FRK: variants seen among roughly 807,000 people sequenced by gnomAD.
FRK encodes tyrosine-protein kinase FRK.
FRK carries 51 observed loss-of-function variants against 56.4 expected under a neutral mutation model. The ratio of observed to expected loss-of-function variants is 0.90; its 90% CI spans 0.72 to 1.14. The LOEUF (loss-of-function observed/expected upper bound fraction) is 1.14, where lower values mean the gene tolerates loss of function less well. FRK is among the 50% of genes most tolerant of loss of function. The pLI is 0.00. For synonymous variants in FRK, 245 were observed against 217.9 expected (o/e 1.12, Z -1.10); for missense variants, 570 against 601.4 (o/e 0.95, Z 0.55).
chr6:115,993,148 T>G (rs938890217), intron 2 of FRK, among the ~76,000 whole-genome samples: 4 of 151,778 alleles, frequency 2.6e-5, no homozygotes, highest in Admixed American at 6.6e-5. Flanking sequence ...TATACACGGA[T>G]GTATGTAGAT....
chr6:115,932,509 CT>C lies in FRK; in HGVS notation c.*9904del, dbSNP rs1219091642. The C allele has an allele frequency of 6.6e-6, 1 of 152,158 alleles. No individual in the cohort carries two copies. Among genetic ancestry groups the C allele is most frequent in the Non-Finnish European group, 1.5e-5 (1 of 68,024 alleles). 9.4% of individuals were successfully genotyped at this position (152,158 alleles called of 1,614,324 possible). ...GGTGTACAAACCTCATTTACTTTTA[CT>C]TTAAGAATGGCCTTTCTCTTGAATT... On this transcript the variant is annotated 3_prime_UTR_variant, in exon 8 of 8. Coordinates refer to ENST00000606080, the MANE Select transcript of FRK (RefSeq NM_002031.3).
chr6:115,948,967 T>G (rs1175518070), intron 5 of FRK, among the ~76,000 whole-genome samples: 1 of 152,168 alleles, frequency 6.6e-6, no homozygotes, highest in Admixed American at 6.5e-5. Flanking sequence ...TAATAATACT[T>G]ACCTCATAAT....
rs373925361 is a variant in FRK, at chr6:115,983,138, C to T, written c.467-14399G>A. Among the ~76,000 whole-genome samples, 280 of 151,740 alleles carry T rather than the reference C, an allele frequency of 1.8e-3. 11 individuals are homozygous for T. In the South Asian group the frequency reaches 0.035, roughly 19 times the overall value. On this transcript the variant is annotated intron_variant, in intron 2 of 7. Transcript: ENST00000606080. Reference sequence around the variant, plus strand: ...ACCTAAGCAAGCACTGTGCTAAGTGCTTTTTTATGTAATATTTTGTCTAAT... The same window carrying T: ...ACCTAAGCAAGCACTGTGCTAAGTGTTTTTTTATGTAATATTTTGTCTAAT...
At chr6:115,993,607 T>C (rs1774705944) in intron 2 of FRK, among the ~76,000 whole-genome samples, 1 of 151,906 alleles carries the variant, frequency 6.6e-6, no homozygotes. Context: ...AACAAAACTA[T>C]ACTTATACCC....
chr6:116,030,018 T>C (rs1474287874), intron 1 of FRK, among the ~76,000 whole-genome samples: 2 of 152,166 alleles, frequency 1.3e-5, no homozygotes, highest in East Asian at 3.8e-4. Flanking sequence ...CTCTTTGAAA[T>C]TGAATTTCTT....
chr6:115,972,182 T>C (rs1342010685), intron 2 of FRK, among the ~76,000 whole-genome samples: 1 of 152,226 alleles, frequency 6.6e-6, no homozygotes, highest in Admixed American at 6.5e-5. Flanking sequence ...GAAGCTTTCC[T>C]GGGCAAAACC....
intron 1 of FRK, among the ~76,000 whole-genome samples, chr6:116,005,504 A>G (rs796298931): frequency 6.6e-6 from 1 of 152,194 alleles, no homozygotes; most frequent in South Asian, 2.1e-4. Context: ...AGTCATGTCT[A>G]AATGTAAAGA....
chr6:115,986,537 A>C (rs903046158), intron 2 of FRK, among the ~76,000 whole-genome samples: 3 of 152,290 alleles, frequency 2.0e-5, no homozygotes, highest in South Asian at 2.1e-4. Flanking sequence ...CTATCTGCTC[A>C]CATCTAGTCA....
At chr6:116,075,467 A>G in the FRK span, among the ~76,000 whole-genome samples, 10 of 144,336 alleles carry the variant, frequency 6.9e-5, no homozygotes, top group Non-Finnish European at 1.1e-4. Flanking sequence ...AGCTGGGGGA[A>G]AAAAAAAAAA....
At chr6:116,039,332 C>T (rs1041973661) in intron 1 of FRK, 1 of 1,414,920 alleles carries the variant, frequency 7.1e-7, no homozygotes, top group African/African-American at 1.4e-5. Context: ...TGGTGTCCAA[C>T]ATCTCTGATG....
chr6:116,062,898 T>G (rs1777673347), upstream of FRK, among the ~76,000 whole-genome samples: 1 of 152,202 alleles, frequency 6.6e-6, no homozygotes, highest in Non-Finnish European at 1.5e-5. Flanking sequence ...CAAACTTTTT[T>G]TAAAGCTCCT....
In FRK at chr6:115,942,285, C is replaced by A; in HGVS notation, c.*129G>T. 1 of 752,258 alleles carries A rather than the reference C, an allele frequency of 1.3e-6. No individual in the cohort carries two copies. The highest frequency in any genetic ancestry group is 1.8e-5 in the South Asian group (1 of 55,906). 46.6% of individuals were successfully genotyped at this position (752,258 alleles called of 1,614,324 possible). A position where few individuals can be genotyped will look rare whatever the true frequency, so the allele number is the denominator to read the frequency against. On this transcript the variant is annotated 3_prime_UTR_variant, in exon 8 of 8. Transcript: ENST00000606080. Reference sequence around the variant, plus strand: ...AAATAATCTTTTTCATAATACATGGCCAACTTTATCCTATCACTTGAATAT... The same window carrying A: ...AAATAATCTTTTTCATAATACATGGACAACTTTATCCTATCACTTGAATAT...
In FRK at chr6:115,938,723, A is replaced by G. The variant is rs753922947; in HGVS notation, c.*3691T>C. The stretch of plus-strand genomic sequence containing the variant: ...AAGCAAATAAACTAGAAAATCTAGA[A>G]GAAATGGGTAAATTCCTGCAAACAT... On this transcript the variant is annotated 3_prime_UTR_variant, in exon 8 of 8. Coordinates refer to ENST00000606080, the MANE Select transcript of FRK (RefSeq NM_002031.3). 3 of 152,236 alleles carry G rather than the reference A, an allele frequency of 2.0e-5. No homozygotes were observed. Among genetic ancestry groups the G allele is most frequent in the African/African-American group, 7.2e-5 (3 of 41,462 alleles). 9.4% of individuals were successfully genotyped at this position (152,236 alleles called of 1,614,324 possible). A position where few individuals can be genotyped will look rare whatever the true frequency, so the allele number is the denominator to read the frequency against.
intron 1 of FRK, among the ~76,000 whole-genome samples, chr6:116,054,555 A>G (rs1483682113): frequency 6.8e-6 from 1 of 146,200 alleles, no homozygotes; most frequent in Non-Finnish European, 1.5e-5. Flanking sequence ...GTATAATACT[A>G]TATTTTATAA....
the FRK span, among the ~76,000 whole-genome samples, chr6:116,088,341 T>A: frequency 6.6e-6 from 1 of 152,060 alleles, no homozygotes; most frequent in South Asian, 2.1e-4. Context: ...AAAACAGACA[T>A]GAGAACTCAA....
chr6:116,086,666 G>C, the FRK span, among the ~76,000 whole-genome samples: 1 of 152,214 alleles, frequency 6.6e-6, no homozygotes, highest in African/African-American at 2.4e-5. Context: ...GTGATTAATT[G>C]ATTACTAAGG....
Position 115,956,565 on chromosome 6 carries a change from T to C in FRK, c.845A>G (p.Lys282Arg). 6.3e-7 allele frequency: 1 copy of C among 1,589,508 alleles called. No homozygotes were observed. The highest frequency in any genetic ancestry group is 8.6e-7 in the Non-Finnish European group (1 of 1,168,778). ...NDFLREAQIM[K>R]NLRHPKLIQL... ...GATAAGCTTTGGATGTCTTAGGTTC[T>C]TCATTATCTGTGCCTCCCTCAGGAA... The change falls in exon 5 of 8, where the codon AAG becomes AGG. Residue 282 changes from lysine (K) to arginine (R), a missense_variant. Lys to Arg is a conservative substitution (Grantham distance 26, BLOSUM62 2). Transcript: ENST00000606080.
intron 2 of FRK, among the ~76,000 whole-genome samples, chr6:115,976,621 A>G (rs1013218524): frequency 2.0e-5 from 3 of 152,178 alleles, no homozygotes; most frequent in East Asian, 1.9e-4. Flanking sequence ...CATACTGAGT[A>G]AAACAATATG....
At chr6:115,994,902 G>A (rs1031433741) in intron 2 of FRK, among the ~76,000 whole-genome samples, 5 of 152,114 alleles carry the variant, frequency 3.3e-5, no homozygotes, top group African/African-American at 4.8e-5. Flanking sequence ...AATGAAGGGA[G>A]CTATGTGGTG....
Sources: allele counts gnomAD v4.1 joint callset (sites outside exome capture counted in the v4.1 genomes callset), GRCh38; gene constraint gnomAD v4.1.1; transcripts MANE v1.5; gene names NCBI Gene and HGNC (gene_info 2026-07-23, HGNC 2026-07-21).